Variants in GFPT2 observed in about 807,000 individuals in gnomAD.
The protein encoded by GFPT2 is glutamine--fructose-6-phosphate aminotransferase [isomerizing] 2.
Under a neutral mutation model 85.6 loss-of-function variants are expected in GFPT2, and 62 were observed. That is an observed-to-expected ratio of 0.72 (90% CI 0.59 to 0.90). The LOEUF (loss-of-function observed/expected upper bound fraction) is 0.90, where lower values mean the gene tolerates loss of function less well. GFPT2 is among the 40% of genes least tolerant of loss of function. The pLI, the probability that GFPT2 is intolerant of heterozygous loss-of-function variation, is 0.00. For synonymous variants in GFPT2, 368 were observed against 344.5 expected, an observed-to-expected ratio of 1.07 and a Z score of -0.75; for missense variants, 788 against 893.4, an observed-to-expected ratio of 0.88 and a Z score of 1.50.
At position 180,304,738 on chromosome 5, in the gene GFPT2, A is replaced by G. The variant is rs1763743357; in HGVS notation, c.1842+34T>C. ...GTGGGCATGCATGGGGAAAAGCAGG[A>G]GAGAGCTGGCCCAGTCCAGTGGAGA... is the stretch of plus-strand genomic sequence containing the variant. On this transcript the variant is annotated intron_variant, in intron 17 of 18. Transcript: ENST00000253778. 3.8e-6 allele frequency: 6 copies of G among 1,582,188 alleles called. No individual in the cohort carries two copies. The East Asian group carries it at 1.1e-4, about 30-fold the overall frequency.
intron 15 of GFPT2, among the ~76,000 whole-genome samples, chr5:180,307,985 G>A (rs1056093421): frequency 5.9e-5 from 9 of 152,098 alleles, no homozygotes; most frequent in African/African-American, 9.7e-5. Flanking sequence ...GGTTGGGTGC[G>A]GTGGCTCACG....
At chr5:180,304,150 A>C (rs1391175651) in intron 17 of GFPT2, among the ~76,000 whole-genome samples, 3 of 152,210 alleles carry the variant, frequency 2.0e-5, no homozygotes, top group Non-Finnish European at 4.4e-5. Flanking sequence ...ACACATCCTG[A>C]GGACACAAGC....
intron 1 of GFPT2, chr5:180,352,682 G>C: frequency 2.3e-6 from 1 of 435,054 alleles, no homozygotes; most frequent in Non-Finnish European, 4.6e-6. Flanking sequence ...GGACGCGCAG[G>C]CCCTGCCTGA....
chr5:180,337,755 C>T (rs1764429137), intron 2 of GFPT2, among the ~76,000 whole-genome samples: 1 of 152,090 alleles, frequency 6.6e-6, no homozygotes, highest in South Asian at 2.1e-4. Flanking sequence ...CCCATGAAAC[C>T]ACCACTGCCG....
intron 16 of GFPT2, among the ~76,000 whole-genome samples, chr5:180,305,391 C>G (rs1291778044): frequency 6.6e-6 from 1 of 152,230 alleles, no homozygotes; most frequent in Non-Finnish European, 1.5e-5. Flanking sequence ...TGGTTCCAAG[C>G]AAAATCACAC....
At chr5:180,308,478 G>A (rs895913397) in intron 15 of GFPT2, among the ~76,000 whole-genome samples, 1 of 152,164 alleles carries the variant, frequency 6.6e-6, no homozygotes, top group Admixed American at 6.5e-5. Flanking sequence ...AATCTGTGGT[G>A]ATAAGCTCTT....
In GFPT2 at chr5:180,312,526, T is replaced by A. The variant is rs750500082; in HGVS notation, c.1450A>T (p.Ile484Phe). ...ATCAAACCAAACATCACCAGAGAGA[T>A]GAACTGACTGGTATAAGCCTGTGCA... ...ASTKAYTSQF[I>F]SLVMFGLMMS... The change falls in exon 15 of 19, where the codon ATC becomes TTC. Residue 484 changes from isoleucine (I) to phenylalanine (F), a missense_variant. Ile to Phe is a conservative substitution (Grantham distance 21). Coordinates refer to ENST00000253778, the MANE Select transcript of GFPT2 (RefSeq NM_005110.4). The A allele has an allele frequency of 6.3e-7, 1 of 1,590,956 alleles. No individual in the cohort carries two copies. Among genetic ancestry groups the A allele is most frequent in the South Asian group, 1.1e-5 (1 of 90,658 alleles).
chr5:180,339,518 A>G (rs988793286), intron 1 of GFPT2, among the ~76,000 whole-genome samples: 3 of 151,780 alleles, frequency 2.0e-5, no homozygotes, highest in African/African-American at 7.3e-5. Flanking sequence ...GACTTTCTGT[A>G]TTCATATTTC....
Position 180,316,452 on chromosome 5 carries a change from C to T in GFPT2, c.1162G>A (p.Val388Ile). 6.2e-7 allele frequency: 1 copy of T among 1,614,150 alleles called. No homozygotes were observed. The highest frequency in any genetic ancestry group is 8.5e-7 in the Non-Finnish European group (1 of 1,179,998). ...GGAAGCTCAGTCAGTTCCTCCAAAA[C>T]TTGCCGCGTCTGAAGCCAACAAGCA... is the stretch of plus-strand genomic sequence containing the variant. ...SYHAAVATRQ[V>I]LEELTELPVM... is the part of the protein sequence containing the mutation. The change falls in exon 13 of 19, where the codon GTT becomes ATT. Residue 388 changes from valine (V) to isoleucine (I), a missense_variant. Physicochemically the swap from Val to Ile is conservative, Grantham distance 29. Coordinates refer to ENST00000253778, the MANE Select transcript of GFPT2 (RefSeq NM_005110.4).
At chr5:180,331,871 C>T (rs1330216732) in intron 4 of GFPT2, among the ~76,000 whole-genome samples, 1 of 152,214 alleles carries the variant, frequency 6.6e-6, no homozygotes. Context: ...TAGTATCAAA[C>T]AGGCTTTGGG....
rs1351665744 is a variant in GFPT2, at chr5:180,307,179, G to C, written c.1671C>G (p.Ala557=). The C allele has an allele frequency of 1.3e-6, 2 of 1,569,262 alleles. No homozygotes were observed. The highest frequency in any genetic ancestry group is 1.7e-6 in the Non-Finnish European group (2 of 1,158,170). Residue 557 remains alanine (A), a synonymous_variant, in exon 16 of 19, where the codon GCC becomes GCG. Transcript: ENST00000253778. ...GYNYATCLEG[A]LKIKEITYMH... is the part of the protein sequence containing the mutation. Reference sequence around the variant, plus strand: ...GGGGCTGGGGGTGGGGGCTCACCAGGGCTCCTTCCAGGCAGGTGGCATAGT... The same window carrying C: ...GGGGCTGGGGGTGGGGGCTCACCAGCGCTCCTTCCAGGCAGGTGGCATAGT...
At chr5:180,302,686 T>A in intron 17 of GFPT2, 102 bp from the exon 18 acceptor site, 1 of 883,956 alleles carries the variant, frequency 1.1e-6, no homozygotes, top group Non-Finnish European at 1.7e-6. Flanking sequence ...ATGAGAACAG[T>A]CCTCTTTTGC....
In GFPT2 at chr5:180,309,950, A is replaced by C. The variant is rs553896268; in HGVS notation, c.1546+2480T>G. Reference sequence around the variant, plus strand: ...CTCAGCCCCCCGAGTAGCTGGGACTACAGGTGCCCACCACCACGCCCGGCT... The same window carrying C: ...CTCAGCCCCCCGAGTAGCTGGGACTCCAGGTGCCCACCACCACGCCCGGCT... On this transcript the variant is annotated intron_variant, in intron 15 of 18. Coordinates refer to ENST00000253778, the MANE Select transcript of GFPT2 (RefSeq NM_005110.4). Among the ~76,000 whole-genome samples the C allele has an allele frequency of 1.7e-4, 26 of 151,498 alleles. No homozygotes were observed. The South Asian group carries it at 5.2e-3, about 30-fold the overall frequency.
intron 9 of GFPT2, among the ~76,000 whole-genome samples, chr5:180,322,067 G>A (rs561452071): frequency 9.5e-4 from 144 of 151,984 alleles, no homozygotes; most frequent in African/African-American, 3.4e-3. Flanking sequence ...GATGACAGGC[G>A]TGAGCCACCA....
chr5:180,302,955 C>T (rs940462618), intron 17 of GFPT2, among the ~76,000 whole-genome samples: 11 of 152,124 alleles, frequency 7.2e-5, no homozygotes, highest in Admixed American at 2.0e-4. Flanking sequence ...CCAGGCCGGG[C>T]GTGGTGGCTC....
chr5:180,304,674 C>T, intron 17 of GFPT2, 98 bp downstream of exon 17: 2 of 1,144,120 alleles, frequency 1.7e-6, no homozygotes, highest in Non-Finnish European at 2.6e-6. Flanking sequence ...CACTCACTGG[C>T]CAGACCATCC....
chr5:180,320,544 G>A (rs937001943), intron 9 of GFPT2, among the ~76,000 whole-genome samples: 1 of 151,992 alleles, frequency 6.6e-6, no homozygotes, highest in Non-Finnish European at 1.5e-5. Flanking sequence ...AGACCAAGGC[G>A]GGAAGATCAC....
intron 13 of GFPT2, among the ~76,000 whole-genome samples, chr5:180,315,216 C>T (rs534251315): frequency 1.7e-4 from 26 of 150,380 alleles, no homozygotes; most frequent in Admixed American, 8.6e-4. Flanking sequence ...CTCGCTCTGT[C>T]GCCCAGGCTG....
At chr5:180,313,766 G>A (rs1763946563) in intron 14 of GFPT2, 41 bp downstream of exon 14, 7 of 1,514,440 alleles carry the variant, frequency 4.6e-6, no homozygotes, top group Non-Finnish European at 6.2e-6. Context: ...ACCTGCCTCC[G>A]CCAGGCTCTC....
Sources: gnomAD v4.1 joint callset for allele counts (sites outside exome capture counted in the v4.1 genomes callset) on GRCh38, gnomAD v4.1.1 for gene constraint, MANE v1.5 for transcripts, NCBI Gene and HGNC (gene_info 2026-07-23, HGNC 2026-07-21) for gene names.